Variants in MARCHF10 observed in about 807,000 individuals in gnomAD.
MARCHF10 encodes membrane associated ring-CH-type finger 10, also known as probable E3 ubiquitin-protein ligase MARCHF10.
In MARCHF10, 64 loss-of-function variants were observed where a neutral mutation model predicts 76.2. The ratio of observed to expected loss-of-function variants is 0.84; its 90% CI spans 0.69 to 1.03. MARCHF10 has a LOEUF of 1.03. Ranked by LOEUF, MARCHF10 falls within the 50% of genes least tolerant of loss-of-function variation. The pLI, the probability that MARCHF10 is intolerant of heterozygous loss-of-function variation, is 0.00. For synonymous variants in MARCHF10, 340 were observed against 357.5 expected, an observed-to-expected ratio of 0.95 and a Z score of 0.55; for missense variants, 875 against 958.0, an observed-to-expected ratio of 0.91 and a Z score of 1.14.
chr17:62,753,830 T>C (rs1421429579), intron 4 of MARCHF10, among the ~76,000 whole-genome samples: 1 of 152,154 alleles, frequency 6.6e-6, no homozygotes, highest in Non-Finnish European at 1.5e-5. Context: ...CTGGGAGCCC[T>C]GGAGGGCAGG....
intron 2 of MARCHF10, among the ~76,000 whole-genome samples, chr17:62,798,433 G>A (rs1326115620): frequency 6.7e-6 from 1 of 149,006 alleles, no homozygotes; most frequent in Non-Finnish European, 1.5e-5. Flanking sequence ...AGACCAGCCT[G>A]GGAAACATTA....
rs559433522 is a variant in MARCHF10, at chr17:62,782,320, C to T, written c.210+6160G>A. 1.9e-4 allele frequency among the ~76,000 whole-genome samples: 28 copies of T among 149,812 alleles called. No homozygotes were observed. In the South Asian group the frequency reaches 6.0e-3, roughly 32 times the overall value. ...ATCCCCTCAGGATGGGCAGCCTATA[C>T]TCTGAAGGTTTGCAAACAACTGTTC... On this transcript the variant is annotated intron_variant, in intron 3 of 10. Coordinates refer to ENST00000311269, the MANE Select transcript of MARCHF10 (RefSeq NM_152598.4).
At chr17:62,776,126 T>G (rs1597993141) in intron 3 of MARCHF10, among the ~76,000 whole-genome samples, 1 of 152,156 alleles carries the variant, frequency 6.6e-6, no homozygotes, top group Non-Finnish European at 1.5e-5. Flanking sequence ...TACTGTGGTT[T>G]TAAAAACTGG....
intron 3 of MARCHF10, among the ~76,000 whole-genome samples, chr17:62,769,008 G>GAAA (rs2092392102): frequency 6.6e-6 from 1 of 152,138 alleles, no homozygotes; most frequent in South Asian, 2.1e-4. Context: ...TTCCCATTTT[G>GAAA]AAGTGATCCA....
At position 62,808,152 on chromosome 17, in the gene MARCHF10, A is replaced by T. The variant is rs1287172883; in HGVS notation, c.-93T>A. 6.6e-6 allele frequency: 1 copy of T among 152,554 alleles called. No individual in the cohort carries two copies. The highest frequency in any genetic ancestry group is 1.9e-4 in the East Asian group (1 of 5,164). 9.5% of individuals were successfully genotyped at this position (152,554 alleles called of 1,614,324 possible). On this transcript the variant is annotated 5_prime_UTR_variant, in exon 1 of 11. Transcript: ENST00000311269. ...GGGCGGGCGGGCCGGTCCAGGGCGC[A>T]GGAGCCGCCCATTAATTGCGCGGGG...
intron 10 of MARCHF10, among the ~76,000 whole-genome samples, chr17:62,704,332 G>C (rs1293368458): frequency 1.3e-5 from 2 of 152,096 alleles, no homozygotes; most frequent in Non-Finnish European, 2.9e-5. Flanking sequence ...GAGGCCCGGG[G>C]GGGCGAGGCC....
intron 4 of MARCHF10, among the ~76,000 whole-genome samples, chr17:62,747,650 C>G (rs1053176819): frequency 6.6e-6 from 1 of 152,202 alleles, no homozygotes; most frequent in African/African-American, 2.4e-5. Context: ...AATACTACCA[C>G]TACTACTGAG....
chr17:62,703,091 T>A (rs561068883), intron 10 of MARCHF10, among the ~76,000 whole-genome samples: 1 of 152,308 alleles, frequency 6.6e-6, no homozygotes, highest in Admixed American at 6.5e-5. Context: ...CCAGGGACTC[T>A]CCCCAGCTGC....
At chr17:62,753,504 G>A (rs892789381) in intron 4 of MARCHF10, among the ~76,000 whole-genome samples, 4 of 152,190 alleles carry the variant, frequency 2.6e-5, no homozygotes, top group Non-Finnish European at 4.4e-5. Context: ...TGGGGCCTGA[G>A]GTTCTGCATT....
chr17:62,746,736 G>A (rs1568152239), intron 4 of MARCHF10: 2 of 692,878 alleles, frequency 2.9e-6, no homozygotes, highest in Non-Finnish European at 4.8e-6. Flanking sequence ...TGGCCCCAAG[G>A]TCCTGAGGAT....
At chr17:62,782,835 C>T (rs1257881922) in intron 3 of MARCHF10, among the ~76,000 whole-genome samples, 4 of 152,104 alleles carry the variant, frequency 2.6e-5, no homozygotes, top group Non-Finnish European at 4.4e-5. Flanking sequence ...TATGAGAGCA[C>T]AAGTTGAATG....
intron 2 of MARCHF10, 117 bp downstream of exon 2, chr17:62,801,529 C>T (rs912192220): frequency 2.0e-5 from 13 of 653,534 alleles, no homozygotes; most frequent in Admixed American, 8.5e-5. Flanking sequence ...CATACCTAAT[C>T]GGTGGGTTTG....
At chr17:62,765,351 CAAAAAAAAAAAA>C (rs57082084) in intron 3 of MARCHF10, among the ~76,000 whole-genome samples, 20 of 73,618 alleles carry the variant, frequency 2.7e-4, no homozygotes, top group Non-Finnish European at 4.2e-4. Context: ...GACTCTGTCT[CAAAAAAAAAAAA>C]AAAAAAAAAA....
chr17:62,780,382 G>A (rs868535842), intron 3 of MARCHF10, among the ~76,000 whole-genome samples: 17 of 152,240 alleles, frequency 1.1e-4, no homozygotes, highest in Middle Eastern at 3.4e-3. Flanking sequence ...TCTAAAATTC[G>A]TGTGGATTCT....
At chr17:62,774,773 AG>A (rs747991289) in intron 3 of MARCHF10, among the ~76,000 whole-genome samples, 5 of 152,036 alleles carry the variant, frequency 3.3e-5, no homozygotes, top group Admixed American at 3.3e-4. Context: ...GCATCCTCAA[AG>A]GCCGGGCATG....
At chr17:62,713,516 C>G (rs1241431202) in intron 8 of MARCHF10, among the ~76,000 whole-genome samples, 1 of 152,204 alleles carries the variant, frequency 6.6e-6, no homozygotes, top group African/African-American at 2.4e-5. Context: ...CTCGCCGGCT[C>G]GGTTCCTTTA....
Position 62,712,755 on chromosome 17 carries a change from A to C in MARCHF10, c.2215-1411T>G, listed in dbSNP as rs79783662. 3.1e-4 allele frequency among the ~76,000 whole-genome samples: 47 copies of C among 152,114 alleles called. No homozygotes were observed. The South Asian group carries it at 9.8e-3, about 32-fold the overall frequency. ...TGCATTATTTCTGTTTTATTTATTTAATTTTATTTTTGAGACAGACACAGT... is the reference window on the plus strand; with the variant it reads ...TGCATTATTTCTGTTTTATTTATTTCATTTTATTTTTGAGACAGACACAGT... On this transcript the variant is annotated intron_variant, in intron 8 of 10. Coordinates refer to ENST00000311269, the MANE Select transcript of MARCHF10 (RefSeq NM_152598.4). The surrounding 1 kb of genome is among the most constrained non-coding windows in gnomAD (Gnocchi z 4.2).
intron 10 of MARCHF10, among the ~76,000 whole-genome samples, chr17:62,702,482 T>C (rs982159911): frequency 3.3e-5 from 5 of 151,708 alleles, no homozygotes; most frequent in African/African-American, 1.2e-4. Flanking sequence ...CTGGCCAACA[T>C]AGCAAAACCC....
At chr17:62,792,143 C>T (rs927054286) in intron 2 of MARCHF10, among the ~76,000 whole-genome samples, 5 of 151,932 alleles carry the variant, frequency 3.3e-5, no homozygotes, top group East Asian at 3.9e-4. Flanking sequence ...CCCCCTAGTG[C>T]GTCCCCCTGA....
Sources: allele counts gnomAD v4.1 joint callset (sites outside exome capture counted in the v4.1 genomes callset), GRCh38; gene constraint gnomAD v4.1.1; non-coding constraint Gnocchi (gnomAD v3.1); transcripts MANE v1.5; gene names NCBI Gene and HGNC (gene_info 2026-07-23, HGNC 2026-07-21).